The following STIL variants were observed in gnomAD, a reference collection of about 807,000 sequenced individuals.
STIL encodes SCL-interrupting locus protein.
Under a neutral mutation model 110.1 loss-of-function variants are expected in STIL, and 55 were observed. The observed-to-expected ratio is 0.50, with a 90% CI of 0.40 to 0.63. STIL has a LOEUF of 0.63. STIL is among the 20% of genes least tolerant of loss of function. The probability of loss-of-function intolerance (pLI) is 0.00; values close to 1 mark genes in which losing one functional copy is unlikely to be tolerated. For missense variants in STIL, 1,358 were observed against 1,530.0 expected (o/e 0.89, Z 1.87); for synonymous variants, 481 against 530.0 (o/e 0.91, Z 1.27).
chr1:47,270,255 T>TATACAC lies in STIL; in HGVS notation c.2384-390_2384-389insGTGTAT, dbSNP rs775684329. ...AAAAAAAAAAAAATATATATATATATACACACACACACACACACACACACA... is the reference window on the plus strand; with the variant it reads ...AAAAAAAAAAAAATATATATATATATATACACACACACACACACACACACACACACA... On this transcript the variant is annotated intron_variant, in intron 13 of 16. Coordinates refer to ENST00000371877, the MANE Select transcript of STIL (RefSeq NM_001048166.1). 2.8e-3 allele frequency among the ~76,000 whole-genome samples: 337 copies of TATACAC among 119,388 alleles called. 4 individuals are homozygous for TATACAC. Among genetic ancestry groups the TATACAC allele is most frequent in the Middle Eastern group, 0.013 (3 of 226 alleles). The allele number at this position is 119,388 out of a possible 152,430, so 78.3% of individuals were successfully genotyped here. A position where few individuals can be genotyped will look rare whatever the true frequency, so the allele number is the denominator to read the frequency against.
chr1:47,277,533 TG>T (rs1418287066), intron 12 of STIL, among the ~76,000 whole-genome samples: 2 of 152,098 alleles, frequency 1.3e-5, no homozygotes, highest in African/African-American at 4.8e-5. Flanking sequence ...GGGATAGTAC[TG>T]GATGGAAGTG....
At chr1:47,291,212 T>A (rs1645478274) in intron 8 of STIL, among the ~76,000 whole-genome samples, 1 of 151,836 alleles carries the variant, frequency 6.6e-6, no homozygotes, top group Admixed American at 6.6e-5. Context: ...AAATACAAAA[T>A]TAGCCGGGCA....
chr1:47,250,947 C>A lies in STIL; in HGVS notation c.*189G>T. 1 of 596,246 alleles carries A rather than the reference C, an allele frequency of 1.7e-6. No individual in the cohort carries two copies. Among genetic ancestry groups the A allele is most frequent in the East Asian group, 2.8e-5 (1 of 35,334 alleles). The allele number at this position is 596,246 out of a possible 1,614,324, so 36.9% of individuals were successfully genotyped here. A position where few individuals can be genotyped will look rare whatever the true frequency, so the allele number is the denominator to read the frequency against. On this transcript the variant is annotated 3_prime_UTR_variant, in exon 17 of 17. Transcript: ENST00000371877. ...AAGGTTTCAGTGATGTTGAACAGCT[C>A]TATTTGAACAATGAGAACTTAGTCC...
rs1230956637 is a variant in STIL, at chr1:47,260,336, A to C, written c.3033T>G (p.Asp1011Glu). ...KQLRSLGVKIDSPTKVKKNAH... is the reference protein window; with the variant it reads ...KQLRSLGVKIESPTKVKKNAH... ...CATTTTTCTTCACTTTAGTGGGAGA[A>C]TCAATTTTTACTCCAAGGCTTCTTA... The change falls in exon 16 of 17, where the codon GAT becomes GAG. Residue 1011 changes from aspartate to glutamate, a missense_variant. Transcript: ENST00000371877. The C allele has an allele frequency of 6.2e-7, 1 of 1,614,178 alleles. No homozygotes were observed. Among genetic ancestry groups the C allele is most frequent in the Non-Finnish European group, 8.5e-7 (1 of 1,180,018 alleles).
At chr1:47,273,449 C>T (rs1644899169) in intron 12 of STIL, among the ~76,000 whole-genome samples, 1 of 152,156 alleles carries the variant, frequency 6.6e-6, no homozygotes, top group South Asian at 2.1e-4. Context: ...TAAACAGTAC[C>T]ATACTGTGGC....
At chr1:47,305,195 A>G in intron 2 of STIL, 199 bp from the exon 3 acceptor site, 17 of 490,084 alleles carry the variant, frequency 3.5e-5, no homozygotes, top group Non-Finnish European at 5.1e-5. Flanking sequence ...GCGTGATCTC[A>G]GCTCACTGCA....
Position 47,301,639 on chromosome 1 carries a change from T to C in STIL, c.375A>G (p.Pro125=), listed in dbSNP as rs778354711. The C allele has an allele frequency of 1.9e-6, 3 of 1,613,964 alleles. No homozygotes were observed. The highest frequency in any genetic ancestry group is 2.2e-5 in the South Asian group (2 of 91,084). Reference sequence around the variant, plus strand: ...AAAGTTCTTGAGTATGAACTTTGCATGGAATCAAAAAGTCCCCAGGAAGAG... The same window carrying C: ...AAAGTTCTTGAGTATGAACTTTGCACGGAATCAAAAAGTCCCCAGGAAGAG... The part of the protein sequence containing the change: ...TASLPGDFLI[P]CKVHTQELCS... Residue 125 remains proline (P), a synonymous_variant, in exon 5 of 17, where the codon CCA becomes CCG. Coordinates refer to ENST00000371877, the MANE Select transcript of STIL (RefSeq NM_001048166.1).
intron 16 of STIL, 32 bp downstream of exon 16, chr1:47,260,257 T>C: frequency 6.3e-7 from 1 of 1,580,124 alleles, no homozygotes; most frequent in Non-Finnish European, 8.6e-7. Flanking sequence ...ATAAAATTTA[T>C]TCACTCTTTA....
intron 11 of STIL, 99 bp downstream of exon 11, chr1:47,282,246 A>G: frequency 1.3e-6 from 1 of 776,028 alleles, no homozygotes; most frequent in South Asian, 1.4e-5. Context: ...ATATCTAAGA[A>G]TGATACTTAG....
chr1:47,260,369 A>C lies in STIL; in HGVS notation c.3000T>G (p.Leu1000=). 1 of 1,614,158 alleles carries C rather than the reference A, an allele frequency of 6.2e-7. No individual in the cohort carries two copies. Among genetic ancestry groups the C allele is most frequent in the Non-Finnish European group, 8.5e-7 (1 of 1,180,004 alleles). The change falls in exon 16 of 17, where the codon CTT becomes CTG. Residue 1000 remains leucine (L), a synonymous_variant. Coordinates refer to ENST00000371877, the MANE Select transcript of STIL (RefSeq NM_001048166.1). The part of the protein sequence containing the change: ...VDKDCVLNAT[L]KQLRSLGVKI... ...TTACTCCAAGGCTTCTTAGTTGCTT[A>C]AGAGTTGCATTAAGGACACAATCTT...
intron 10 of STIL, among the ~76,000 whole-genome samples, chr1:47,285,037 T>TTC (rs56852593): frequency 3.3e-5 from 5 of 150,624 alleles, no homozygotes; most frequent in African/African-American, 1.2e-4. Flanking sequence ...TTTTTTTTTT[T>TTC]CTTTGAGACA....
At position 47,289,495 on chromosome 1, in the gene STIL, G is replaced by T; in HGVS notation, c.963C>A (p.Gly321=). 6.2e-7 allele frequency: 1 copy of T among 1,613,638 alleles called. No homozygotes were observed. Among genetic ancestry groups the T allele is most frequent in the African/African-American group, 1.3e-5 (1 of 75,006 alleles). Residue 321 remains glycine, a synonymous_variant, in exon 9 of 17, where the codon GGC becomes GGA. Coordinates refer to ENST00000371877, the MANE Select transcript of STIL (RefSeq NM_001048166.1). The part of the protein sequence containing the change: ...PEFYECFPCD[G]KIPDFRFQLL... ...ACTGAAACCGAAAGTCAGGTATCTTGCCATCACAAGGGAAGCATTCATAAA... is the reference window on the plus strand; with the variant it reads ...ACTGAAACCGAAAGTCAGGTATCTTTCCATCACAAGGGAAGCATTCATAAA...
chr1:47,256,479 G>C (rs988503703), intron 16 of STIL, among the ~76,000 whole-genome samples: 6 of 151,976 alleles, frequency 3.9e-5, no homozygotes, highest in African/African-American at 1.5e-4. Context: ...AACTTAGCTG[G>C]GCGTGGTGGT....
At chr1:47,262,784 T>C in intron 15 of STIL, 119 bp downstream of exon 15, 1 of 878,828 alleles carries the variant, frequency 1.1e-6, no homozygotes, top group Non-Finnish European at 1.8e-6. Flanking sequence ...CATTGTTAAT[T>C]AGACAAAAAA....
At chr1:47,256,665 C>T (rs899164538) in intron 16 of STIL, among the ~76,000 whole-genome samples, 1 of 147,114 alleles carries the variant, frequency 6.8e-6, no homozygotes, top group Non-Finnish European at 1.5e-5. Context: ...GTCATAAGTA[C>T]ATGCTACAAT....
intron 12 of STIL, among the ~76,000 whole-genome samples, chr1:47,279,410 G>T (rs1209894805): frequency 6.6e-6 from 1 of 151,986 alleles, no homozygotes; most frequent in Non-Finnish European, 1.5e-5. Flanking sequence ...AGAAAGAGAG[G>T]AACACTGTTT....
chr1:47,310,216 C>T, intron 2 of STIL, 60 bp downstream of exon 2: 1 of 1,532,082 alleles, frequency 6.5e-7, no homozygotes, highest in Non-Finnish European at 9.0e-7. Flanking sequence ...CTCTTCCAAC[C>T]TACCTTCCCA....
At chr1:47,311,588 T>C (rs529452714) in intron 1 of STIL, among the ~76,000 whole-genome samples, 1 of 152,296 alleles carries the variant, frequency 6.6e-6, no homozygotes, top group Admixed American at 6.5e-5. Flanking sequence ...TGCCCAGATG[T>C]TTCAAATCCA....
At chr1:47,269,249 T>C (rs541014427) in intron 14 of STIL, among the ~76,000 whole-genome samples, 1 of 152,112 alleles carries the variant, frequency 6.6e-6, no homozygotes, top group South Asian at 2.1e-4. Flanking sequence ...GAAATGGTTC[T>C]AGAAGGCTCA....
Sources: allele counts gnomAD v4.1 joint callset (sites outside exome capture counted in the v4.1 genomes callset), GRCh38; gene constraint gnomAD v4.1.1; transcripts MANE v1.5; gene names NCBI Gene and HGNC (gene_info 2026-07-23, HGNC 2026-07-21).